The following PCDHGA5 variants were observed in gnomAD, a reference collection of about 807,000 sequenced individuals.
The protein encoded by PCDHGA5 is protocadherin gamma-A5.
A neutral mutation model predicts 56.7 loss-of-function variants in PCDHGA5; 36 were observed. That is an observed-to-expected ratio of 0.64 (90% confidence interval 0.49 to 0.84). The LOEUF is 0.84. PCDHGA5 is among the 40% of genes least tolerant of loss of function. The pLI, the probability that PCDHGA5 is intolerant of heterozygous loss-of-function variation, is 0.00. For synonymous variants in PCDHGA5, 563 were observed against 520.2 expected (o/e 1.08, Z -1.12); for missense variants, 1,305 against 1,201.5 (o/e 1.09, Z -1.27).
Position 141,422,179 on chromosome 5 carries a change from A to G in PCDHGA5, c.2421+55428A>G, listed in dbSNP as rs757086661. The G allele has an allele frequency of 2.0e-5, 32 of 1,562,402 alleles. No homozygotes were observed. Among genetic ancestry groups the G allele is most frequent in the Non-Finnish European group, 2.6e-5 (30 of 1,159,048 alleles). ...TTTTGAAAAATATAGATTCTATGAG[A>G]TGGAAATTCAAGGCCAAGATGGTGG... is the stretch of plus-strand genomic sequence containing the variant. On this transcript the variant is annotated intron_variant, in intron 1 of 3. Coordinates refer to ENST00000518069, the MANE Select transcript of PCDHGA5 (RefSeq NM_018918.3).
At chr5:141,374,211 C>G in intron 1 of PCDHGA5, 2 of 1,613,954 alleles carry the variant, frequency 1.2e-6, no homozygotes, top group Non-Finnish European at 1.7e-6. Context: ...GAGAAAGGCT[C>G]CTTCGTAGGC....
chr5:141,415,020 C>T, intron 1 of PCDHGA5: 2 of 1,613,560 alleles, frequency 1.2e-6, no homozygotes, highest in Non-Finnish European at 1.7e-6. Context: ...TGCTCAAGGC[C>T]AGCGAGCCGG....
intron 1 of PCDHGA5, chr5:141,399,654 G>A (rs2093857278): frequency 1.2e-6 from 2 of 1,613,586 alleles, no homozygotes. Flanking sequence ...AAAGTGGGGT[G>A]GTGTTCGCGC....
At chr5:141,442,417 T>A (rs2098323611) in intron 1 of PCDHGA5, 1 of 152,152 alleles carries the variant, frequency 6.6e-6, no homozygotes, top group Non-Finnish European at 1.5e-5. Flanking sequence ...TGAGTGAACT[T>A]CTTTTTTGAA....
At chr5:141,454,313 G>A (rs986902404) in intron 1 of PCDHGA5, among the ~76,000 whole-genome samples, 1 of 152,296 alleles carries the variant, frequency 6.6e-6, no homozygotes, top group Non-Finnish European at 1.5e-5. Context: ...TCAAAGCATT[G>A]AAACCTCCAA....
chr5:141,421,933 G>A (rs1310432014), intron 1 of PCDHGA5: 1 of 1,613,446 alleles, frequency 6.2e-7, no homozygotes, highest in Non-Finnish European at 8.5e-7. Flanking sequence ...GGTCCTCGAT[G>A]TAAATGATCA....
chr5:141,377,664 C>G (rs1042522537), intron 1 of PCDHGA5: 2 of 151,600 alleles, frequency 1.3e-5, no homozygotes, highest in African/African-American at 2.4e-5. Context: ...AAACGACAGA[C>G]GTTCATACAA....
chr5:141,366,288 C>T lies in PCDHGA5; in HGVS notation c.1958C>T (p.Pro653Leu), dbSNP rs1020562585. The T allele has an allele frequency of 6.2e-7, 1 of 1,613,748 alleles. No homozygotes were observed. The highest frequency in any genetic ancestry group is 8.5e-7 in the Non-Finnish European group (1 of 1,180,006). Residue 653 changes from proline (P) to leucine (L), a missense_variant, in exon 1 of 4, where the codon CCT becomes CTT. Transcript: ENST00000518069. ...GCCGTCGAAGACCATGGCCAGCCCC[C>T]TCTGTCAGCCACCTTCACGGTCACC... is the stretch of plus-strand genomic sequence containing the variant. Reference protein sequence around the residue: ...VVAVEDHGQPPLSATFTVTVA... With the variant: ...VVAVEDHGQPLLSATFTVTVA...
Position 141,477,656 on chromosome 5 carries a change from C to T in PCDHGA5, c.2422-17151C>T, listed in dbSNP as rs755621234. The T allele has an allele frequency of 1.9e-6, 3 of 1,614,184 alleles. No homozygotes were observed. The South Asian group carries it at 3.3e-5, about 18-fold the overall frequency. ...AGTGGGTCGCTATTTCACAATAAATCGTGACAATGGCATAGTGTCATCCTT... is the reference window on the plus strand; with the variant it reads ...AGTGGGTCGCTATTTCACAATAAATTGTGACAATGGCATAGTGTCATCCTT... On this transcript the variant is annotated intron_variant, in intron 1 of 3. Transcript: ENST00000518069. The surrounding 1 kb of genome is among the most constrained non-coding windows in gnomAD (Gnocchi z 4.9).
At chr5:141,393,515 T>C in intron 1 of PCDHGA5, 2 of 1,613,990 alleles carry the variant, frequency 1.2e-6, no homozygotes, top group Non-Finnish European at 1.7e-6. Context: ...CAGTGTTGGA[T>C]ACAAATGACA....
At chr5:141,427,306 A>G (rs1023837851) in intron 1 of PCDHGA5, 6 of 456,826 alleles carry the variant, frequency 1.3e-5, no homozygotes, top group African/African-American at 1.2e-4. Flanking sequence ...GAGAATGACA[A>G]TGCCCCAGAC....
intron 1 of PCDHGA5, chr5:141,492,050 C>T (rs2099736541): frequency 4.0e-6 from 2 of 500,984 alleles, no homozygotes; most frequent in South Asian, 7.5e-5. Context: ...AGATCCACCC[C>T]TGCAGCCAGC....
intron 1 of PCDHGA5, chr5:141,376,645 T>A (rs1174597911): frequency 5.9e-6 from 6 of 1,010,322 alleles, no homozygotes; most frequent in Non-Finnish European, 7.1e-6. Context: ...TTTTGTAAAG[T>A]GGAAGACTCC....
intron 1 of PCDHGA5, chr5:141,419,506 C>A (rs527369615): frequency 6.2e-6 from 10 of 1,612,352 alleles, no homozygotes; most frequent in Middle Eastern, 1.7e-4. Context: ...TGAGCCTGCG[C>A]GTGTTGGTGG....
chr5:141,365,375 C>A lies in PCDHGA5; in HGVS notation c.1045C>A (p.Leu349Ile), dbSNP rs752434944. 15 of 1,613,942 alleles carry A rather than the reference C, an allele frequency of 9.3e-6. No individual in the cohort carries two copies. The highest frequency in any genetic ancestry group is 1.3e-5 in the Non-Finnish European group (15 of 1,179,890). Residue 349 changes from leucine to isoleucine, a missense_variant, in exon 1 of 4, where the codon CTC (leucine) becomes ATC (isoleucine). Physicochemically the swap from Leu to Ile is conservative, Grantham distance 5. Coordinates refer to ENST00000518069, the MANE Select transcript of PCDHGA5 (RefSeq NM_018918.3). ...DVNDNAPEVI[L>I]TSLTSSISED... ...GAATGACAATGCCCCCGAAGTGATC[C>A]TCACCTCTCTGACCAGTTCGATCTC...
chr5:141,410,517 C>A, intron 1 of PCDHGA5: 1 of 1,613,926 alleles, frequency 6.2e-7, no homozygotes, highest in Non-Finnish European at 8.5e-7. Context: ...TGCAGTGTGC[C>A]CCTACATTCC....
intron 2 of PCDHGA5, among the ~76,000 whole-genome samples, chr5:141,501,907 G>T (rs4912761): frequency 0.59 from 89,145 of 151,782 alleles, 27,774 homozygotes; most frequent in African/African-American, 0.8. Context: ...CAACCCCACT[G>T]TTCCACTCAG....
chr5:141,422,131 G>T (rs747294750), intron 1 of PCDHGA5: 3 of 1,598,182 alleles, frequency 1.9e-6, no homozygotes, highest in Non-Finnish European at 2.6e-6. Context: ...AACTGGAGAA[G>T]TTCAAGTACG....
intron 1 of PCDHGA5, among the ~76,000 whole-genome samples, chr5:141,454,796 ATTTTTTTTTTTTTT>A (rs61612330): frequency 5.2e-5 from 4 of 77,408 alleles, no homozygotes; most frequent in Non-Finnish European, 9.3e-5. Flanking sequence ...CATGGTTCTA[ATTTTTTTTTTTTTT>A]TTTTTTTTTT....
Sources: allele counts gnomAD v4.1 joint callset (sites outside exome capture counted in the v4.1 genomes callset), GRCh38; gene constraint gnomAD v4.1.1; non-coding constraint Gnocchi (gnomAD v3.1); transcripts MANE v1.5; gene names NCBI Gene and HGNC (gene_info 2026-07-23, HGNC 2026-07-21).